Variants in PHF3 observed in about 807,000 individuals in gnomAD.
The protein encoded by PHF3 is PHD finger protein 3.
A neutral mutation model predicts 178.4 loss-of-function variants in PHF3; 41 were observed. The observed-to-expected ratio is 0.23, with a 90% CI of 0.18 to 0.30. The LOEUF (loss-of-function observed/expected upper bound fraction) is 0.30, where lower values mean the gene tolerates loss of function less well. PHF3 is among the 10% of genes least tolerant of loss of function. The pLI is 1.00. For missense variants in PHF3, 2,346 were observed against 2,398.1 expected (o/e 0.98, Z 0.45); for synonymous variants, 842 against 800.5 (o/e 1.05, Z -0.88).
In PHF3 at chr6:63,711,530, C is replaced by CT. The variant is rs3839635; in HGVS notation, c.3998-49dup. ...TAATAAGTTAGAGGCAGAATTTTAC[C>CT]TTTTTTTGCAATGATTGAAAATGAT... On this transcript the variant is annotated intron_variant, in intron 15 of 15. Coordinates refer to ENST00000262043, the MANE Select transcript of PHF3 (RefSeq NM_001370348.2). 1.1e-4 allele frequency: 156 copies of CT among 1,482,662 alleles called. No individual in the cohort carries two copies. In the East Asian group the frequency reaches 3.0e-3, roughly 28 times the overall value. The allele number at this position is 1,482,662 out of a possible 1,614,324, so 91.8% of individuals were successfully genotyped here.
intron 3 of PHF3, among the ~76,000 whole-genome samples, chr6:63,682,750 T>G (rs1766494250): frequency 6.6e-6 from 1 of 152,164 alleles, no homozygotes; most frequent in African/African-American, 2.4e-5. Flanking sequence ...TAGCCTTTGC[T>G]TAATAAATTG....
Position 63,712,198 on chromosome 6 carries a change from C to T in PHF3, c.4610C>T (p.Ser1537Leu), listed in dbSNP as rs1441095372. Reference sequence around the variant, plus strand: ...AATATTTCAGAATCTACAGATAAGTCAGCAGAAATAGAAACATCAGTAGTA... The same window carrying T: ...AATATTTCAGAATCTACAGATAAGTTAGCAGAAATAGAAACATCAGTAGTA... ...VDNISESTDKSAEIETSVVGS... is the reference protein window; with the variant it reads ...VDNISESTDKLAEIETSVVGS... The change falls in exon 16 of 16, where the codon TCA (serine) becomes TTA (leucine). Residue 1537 changes from serine (S) to leucine (L), a missense_variant. By Grantham distance (145) the Ser-to-Leu change is moderately radical. This residue lies in a region of PHF3 where 839 missense variants were observed against 806.9 expected (regional missense o/e 1.04). Transcript: ENST00000262043. 3 of 1,613,882 alleles carry T rather than the reference C, an allele frequency of 1.9e-6. No homozygotes were observed. Among genetic ancestry groups the T allele is most frequent in the Admixed American group, 3.3e-5 (2 of 59,992 alleles).
chr6:63,651,324 A>C (rs1188913498), intron 2 of PHF3, among the ~76,000 whole-genome samples: 1 of 152,118 alleles, frequency 6.6e-6, no homozygotes, highest in African/African-American at 2.4e-5. Context: ...TTAATGGAGT[A>C]CTAGAATTTA....
chr6:63,716,998 A>G lies in PHF3; in HGVS notation c.*3290A>G, dbSNP rs4710437. 0.54 allele frequency among the ~76,000 whole-genome samples: 81,855 copies of G among 151,802 alleles called. 23,408 individuals are homozygous for G. Among genetic ancestry groups the G allele is most frequent in the African/African-American group, 0.73 (30,384 of 41,414 alleles). ...TTGGGGTGTAGACATCTTTTGGGGG[A>G]TTATCATCTACCAACAGCCCTTGAC... is the stretch of plus-strand genomic sequence containing the variant. On this transcript the variant is annotated 3_prime_UTR_variant, in exon 16 of 16. Coordinates refer to ENST00000262043, the MANE Select transcript of PHF3 (RefSeq NM_001370348.2).
chr6:63,643,486 G>A (rs1447906812), intron 1 of PHF3, among the ~76,000 whole-genome samples: 1 of 152,132 alleles, frequency 6.6e-6, no homozygotes, highest in African/African-American at 2.4e-5. Flanking sequence ...GAAACACTAG[G>A]ATTGTGATTT....
chr6:63,668,262 C>T (rs1765762359), intron 2 of PHF3, among the ~76,000 whole-genome samples: 1 of 152,192 alleles, frequency 6.6e-6, no homozygotes, highest in African/African-American at 2.4e-5. Context: ...GAGGAATGAT[C>T]TTTCAGAGTA....
Position 63,680,037 on chromosome 6 carries a change from TAAAG to T in PHF3, c.287_290del (p.Glu96ValfsTer11). 1 of 1,612,538 alleles carries T rather than the reference TAAAG, an allele frequency of 6.2e-7. No homozygotes were observed. Among genetic ancestry groups the T allele is most frequent in the Non-Finnish European group, 8.5e-7 (1 of 1,179,120 alleles). On this transcript the variant is annotated frameshift_variant, in exon 3 of 16. Transcript: ENST00000262043. LOFTEE classifies it high-confidence loss of function. ...ACGATATTATGGATGAAGGAGTTGTTAAAGAAAGTGGCAATGATACCATTGATGA... is the reference window on the plus strand; with the variant it reads ...ACGATATTATGGATGAAGGAGTTGTTAAAGTGGCAATGATACCATTGATGA...
Position 63,725,932 on chromosome 6 carries a change from T to G in PHF3, c.*12224T>G, listed in dbSNP as rs984725846. On this transcript the variant is annotated 3_prime_UTR_variant, in exon 16 of 16. Transcript: ENST00000262043. ...ATGTAACTATATGTGCAGATGTCTTTGTCAGAATTTTGGAGAAATGAATGA... is the reference window on the plus strand; with the variant it reads ...ATGTAACTATATGTGCAGATGTCTTGGTCAGAATTTTGGAGAAATGAATGA... Among the ~76,000 whole-genome samples the G allele has an allele frequency of 9.2e-5, 14 of 152,164 alleles. No homozygotes were observed. The highest frequency in any genetic ancestry group is 1.9e-4 in the Non-Finnish European group (13 of 67,994).
Position 63,694,764 on chromosome 6 carries a change from G to T in PHF3, c.2680G>T (p.Gly894Cys). Residue 894 changes from glycine (G) to cysteine (C), a missense_variant and splice_region_variant, in exon 6 of 16, where the codon GGT becomes TGT. By Grantham distance (159) the Gly-to-Cys change is radical. Coordinates refer to ENST00000262043, the MANE Select transcript of PHF3 (RefSeq NM_001370348.2). ...CACAGGAGAAAAAGCTTCAAAACCA[G>T]GTAGTGAGATGAACAGAAAAAATTA... ...TCTGEKASKPGTHEKQEMKKK... is the reference protein window; with the variant it reads ...TCTGEKASKPCTHEKQEMKKK... The T allele has an allele frequency of 6.9e-7, 1 of 1,452,872 alleles. No individual in the cohort carries two copies. Among genetic ancestry groups the T allele is most frequent in the Non-Finnish European group, 9.1e-7 (1 of 1,099,718 alleles). 90.0% of individuals were successfully genotyped at this position (1,452,872 alleles called of 1,614,324 possible). A position where few individuals can be genotyped will look rare whatever the true frequency, so the allele number is the denominator to read the frequency against.
chr6:63,719,215 A>C lies in PHF3; in HGVS notation c.*5507A>C, dbSNP rs1768280355. Among the ~76,000 whole-genome samples, 1 of 152,048 alleles carries C rather than the reference A, an allele frequency of 6.6e-6. No individual in the cohort carries two copies. Among genetic ancestry groups the C allele is most frequent in the Non-Finnish European group, 1.5e-5 (1 of 67,950 alleles). On this transcript the variant is annotated 3_prime_UTR_variant, in exon 16 of 16. Coordinates refer to ENST00000262043, the MANE Select transcript of PHF3 (RefSeq NM_001370348.2). The stretch of plus-strand genomic sequence containing the variant: ...GTCTGTAGCCTTTTGATTGGAATGG[A>C]GTGGCTAAAATAAGACAAAAATCTC...
Position 63,714,907 on chromosome 6 carries a change from T to G in PHF3, c.*1199T>G, listed in dbSNP as rs1768135906. ...AAAAAATATGAAAACTATTGTTAATTCAAATCTAAATTTATTTAAACCCTA... is the reference window on the plus strand; with the variant it reads ...AAAAAATATGAAAACTATTGTTAATGCAAATCTAAATTTATTTAAACCCTA... On this transcript the variant is annotated 3_prime_UTR_variant, in exon 16 of 16. Transcript: ENST00000262043. 6.6e-6 allele frequency: 1 copy of G among 150,436 alleles called. No individual in the cohort carries two copies. The highest frequency in any genetic ancestry group is 2.5e-5 in the African/African-American group (1 of 39,868). 9.3% of individuals were successfully genotyped at this position (150,436 alleles called of 1,614,324 possible).
chr6:63,712,589 C>A lies in PHF3; in HGVS notation c.5001C>A (p.Ser1667Arg), dbSNP rs527826920. The change falls in exon 16 of 16, where the codon AGC becomes AGA. Residue 1667 changes from serine to arginine, a missense_variant. This residue lies in a region of PHF3 where 839 missense variants were observed against 806.9 expected (regional missense o/e 1.04). Coordinates refer to ENST00000262043, the MANE Select transcript of PHF3 (RefSeq NM_001370348.2). ...GTCAGCCTGTAACTACTTCAGAAAG[C>A]AAAGATGGAGATAGTTGCCGGAATG... ...GRSQPVTTSE[S>R]KDGDSCRNGE... The A allele has an allele frequency of 6.2e-7, 1 of 1,613,826 alleles. No individual in the cohort carries two copies. Among genetic ancestry groups the A allele is most frequent in the African/African-American group, 1.3e-5 (1 of 75,010 alleles).
chr6:63,689,043 A>T (rs1474123588), intron 4 of PHF3, among the ~76,000 whole-genome samples: 6 of 152,232 alleles, frequency 3.9e-5, no homozygotes, highest in Non-Finnish European at 7.3e-5. Context: ...ATCATAAGCA[A>T]CTTCTATGCA....
At chr6:63,703,185 G>A (rs1390222569) in intron 10 of PHF3, among the ~76,000 whole-genome samples, 1 of 152,158 alleles carries the variant, frequency 6.6e-6, no homozygotes, top group African/African-American at 2.4e-5. Flanking sequence ...GCCTGACTTA[G>A]TGAATTTTTT....
At chr6:63,637,743 T>G (rs1764407184) in intron 1 of PHF3, among the ~76,000 whole-genome samples, 1 of 152,178 alleles carries the variant, frequency 6.6e-6, no homozygotes, top group Non-Finnish European at 1.5e-5. Context: ...ATGATTCCTC[T>G]GATTGAGCCA....
intron 2 of PHF3, among the ~76,000 whole-genome samples, chr6:63,651,615 G>C (rs1765022481): frequency 6.6e-6 from 1 of 152,066 alleles, no homozygotes; most frequent in Non-Finnish European, 1.5e-5. Context: ...GCCTGCCTTG[G>C]CCTCCCAAAG....
At chr6:63,643,536 T>TA (rs1452041297) in intron 1 of PHF3, among the ~76,000 whole-genome samples, 1 of 152,252 alleles carries the variant, frequency 6.6e-6, no homozygotes, top group African/African-American at 2.4e-5. Context: ...ACAAATGTGA[T>TA]ACGCTTTATT....
At chr6:63,693,834 T>C (rs1212164233) in intron 5 of PHF3, among the ~76,000 whole-genome samples, 9 of 152,216 alleles carry the variant, frequency 5.9e-5, no homozygotes, top group Admixed American at 5.9e-4. Context: ...TCCCTAGATT[T>C]TTATGTTGAA....
intron 13 of PHF3, among the ~76,000 whole-genome samples, chr6:63,708,411 GAC>G (rs1767786751): frequency 6.6e-6 from 1 of 151,768 alleles, no homozygotes; most frequent in African/African-American, 2.4e-5. Context: ...TCCCCTCCGA[GAC>G]ACAGTTTTTA....
Sources: gnomAD v4.1 joint callset for allele counts (sites outside exome capture counted in the v4.1 genomes callset) on GRCh38, gnomAD v4.1.1 for gene constraint, gnomAD v4.1.1 regional missense constraint, MANE v1.5 for transcripts, NCBI Gene and HGNC (gene_info 2026-07-23, HGNC 2026-07-21) for gene names.